Variants in AFF3 observed in about 807,000 individuals in gnomAD.
The protein encoded by AFF3 is ALF transcription elongation factor 3.
AFF3 carries 32 observed loss-of-function variants against 129.7 expected under a neutral mutation model. The observed-to-expected ratio is 0.25, with a 90% confidence interval of 0.19 to 0.33. The LOEUF (loss-of-function observed/expected upper bound fraction) is 0.33. AFF3 is among the 10% of genes least tolerant of loss of function. The probability of loss-of-function intolerance (pLI) is 1.00; values close to 1 mark genes in which losing one functional copy is unlikely to be tolerated. For synonymous variants in AFF3, 644 were observed against 635.4 expected (o/e 1.01, Z -0.20); for missense variants, 1,373 against 1,592.0 (o/e 0.86, Z 2.34).
chr2:99,694,852 G>A (rs1310494417), intron 11 of AFF3, among the ~76,000 whole-genome samples: 1 of 151,892 alleles, frequency 6.6e-6, no homozygotes, highest in Non-Finnish European at 1.5e-5. Context: ...GATTACAGGC[G>A]CGTGCCACAT....
chr2:100,030,315 T>C (rs1684388925), intron 4 of AFF3, among the ~76,000 whole-genome samples: 1 of 152,058 alleles, frequency 6.6e-6, no homozygotes, highest in Non-Finnish European at 1.5e-5. Context: ...ATTAGGGAGT[T>C]GCAAAATAAA....
At chr2:99,556,181 C>T (rs114039646) in intron 22 of AFF3, among the ~76,000 whole-genome samples, 342 of 152,316 alleles carry the variant, frequency 2.2e-3, no homozygotes, top group African/African-American at 7.8e-3. Flanking sequence ...CAGTGACTCA[C>T]GCCTGTAATC....
intron 20 of AFF3, among the ~76,000 whole-genome samples, chr2:99,561,671 C>T (rs1675487371): frequency 6.6e-6 from 1 of 152,138 alleles, no homozygotes; most frequent in African/African-American, 2.4e-5. Context: ...AGCCACTGTG[C>T]CTGGACTGCT....
chr2:99,556,401 C>CA (rs1466789009), intron 22 of AFF3, among the ~76,000 whole-genome samples: 1 of 152,022 alleles, frequency 6.6e-6, no homozygotes, highest in Non-Finnish European at 1.5e-5. Context: ...AAGATTGTGC[C>CA]ACTGCACTCC....
At chr2:99,752,957 T>C (rs1271385662) in intron 8 of AFF3, among the ~76,000 whole-genome samples, 1 of 152,004 alleles carries the variant, frequency 6.6e-6, no homozygotes, top group Admixed American at 6.6e-5. Context: ...GAGAGAGGGG[T>C]TGTTTTATTC....
chr2:99,692,996 C>A (rs780873828), intron 11 of AFF3, among the ~76,000 whole-genome samples: 12 of 152,258 alleles, frequency 7.9e-5, no homozygotes, highest in Non-Finnish European at 1.3e-4. Context: ...CAGCCTCGCC[C>A]TCTGCAGGGC....
intron 7 of AFF3, among the ~76,000 whole-genome samples, chr2:99,879,109 A>G (rs1692507727): frequency 6.6e-6 from 1 of 152,228 alleles, no homozygotes; most frequent in African/African-American, 2.4e-5. Context: ...GGAGCTGATC[A>G]CGGTGAAGGA....
At chr2:99,859,159 A>G (rs1395473134) in intron 7 of AFF3, among the ~76,000 whole-genome samples, 1 of 152,206 alleles carries the variant, frequency 6.6e-6, no homozygotes, top group Non-Finnish European at 1.5e-5. Context: ...CATCAAAGCT[A>G]ATGTTTCTCC....
chr2:99,750,766 A>G (rs1396559181), intron 9 of AFF3, among the ~76,000 whole-genome samples: 1 of 152,202 alleles, frequency 6.6e-6, no homozygotes, highest in East Asian at 1.9e-4. Flanking sequence ...TCTGATGCCC[A>G]GAACCACAAT....
rs540620606 is a variant in AFF3 at position 99,675,393 on chromosome 2, G to C, written c.1092-2804C>G. On this transcript the variant is annotated intron_variant, in intron 11 of 24. Transcript: ENST00000672756. ...ATGAAATCACAGACCTGGGAGAGAC[G>C]ACCACGGCCATACCGCATCCCAGCC... is the stretch of plus-strand genomic sequence containing the variant. Among the ~76,000 whole-genome samples, 5 of 152,246 alleles carry C rather than the reference G, an allele frequency of 3.3e-5. No homozygotes were observed. The East Asian group carries it at 9.7e-4, about 29-fold the overall frequency.
intron 4 of AFF3, among the ~76,000 whole-genome samples, chr2:100,013,107 A>G (rs922543400): frequency 6.6e-6 from 1 of 152,254 alleles, no homozygotes; most frequent in African/African-American, 2.4e-5. Flanking sequence ...AAAATAGCAA[A>G]TAAAAAATGT....
intron 11 of AFF3, among the ~76,000 whole-genome samples, chr2:99,707,866 T>C (rs927316393): frequency 6.6e-6 from 1 of 152,194 alleles, no homozygotes; most frequent in African/African-American, 2.4e-5. Context: ...CTTCTGGTAC[T>C]TTCTCCCTTT....
Position 100,006,797 on chromosome 2 carries a change from C to T in AFF3, c.708G>A (p.Arg236=). The change falls in exon 7 of 25, where the codon AGG becomes AGA. Residue 236 remains arginine, a synonymous_variant. Coordinates refer to ENST00000672756, the MANE Select transcript of AFF3 (RefSeq NM_001386135.1). ...GGGCCTGATCTTGGCCGTCCATTGG[C>T]CTCACATACGCGGTCGGTTTCTGCT... ...LVQQKPTAYV[R]PMDGQDQAPD... is the part of the protein sequence containing the mutation. The T allele has an allele frequency of 6.2e-7, 1 of 1,614,172 alleles. No individual in the cohort carries two copies. The highest frequency in any genetic ancestry group is 8.5e-7 in the Non-Finnish European group (1 of 1,180,036).
intron 11 of AFF3, among the ~76,000 whole-genome samples, chr2:99,700,223 C>A (rs576035942): frequency 1.3e-5 from 2 of 152,140 alleles, no homozygotes; most frequent in African/African-American, 2.4e-5. Context: ...CGGGTTCATG[C>A]GATTCTCCTG....
chr2:99,861,848 T>C (rs1003151240), intron 7 of AFF3, among the ~76,000 whole-genome samples: 1 of 152,178 alleles, frequency 6.6e-6, no homozygotes, highest in Admixed American at 6.5e-5. Context: ...GTCATTCTTT[T>C]GCTTTTCTTT....
chr2:99,915,766 C>T (rs1347637413), intron 7 of AFF3, among the ~76,000 whole-genome samples: 2 of 152,224 alleles, frequency 1.3e-5, no homozygotes, highest in South Asian at 2.1e-4. Flanking sequence ...GTAGTACACA[C>T]CCAGGTGTTT....
chr2:100,114,815 C>T (rs1691669049), intron 2 of AFF3, among the ~76,000 whole-genome samples: 1 of 152,208 alleles, frequency 6.6e-6, no homozygotes, highest in African/African-American at 2.4e-5. Flanking sequence ...TAACATCATG[C>T]AAGCCCCCGT....
At chr2:99,867,910 C>T (rs1184324211) in intron 7 of AFF3, among the ~76,000 whole-genome samples, 1 of 152,192 alleles carries the variant, frequency 6.6e-6, no homozygotes, top group Non-Finnish European at 1.5e-5. Flanking sequence ...TGTGAGCAGG[C>T]TAATCACGCC....
chr2:99,778,870 T>TTGTGTGTGTGTG (rs60512639), intron 8 of AFF3, among the ~76,000 whole-genome samples: 1 of 138,402 alleles, frequency 7.2e-6, no homozygotes, highest in Non-Finnish European at 1.5e-5. Context: ...ACCTATAATT[T>TTGTGTGTGTGTG]TGTGTGTGTG....
Sources: allele counts gnomAD v4.1 joint callset (sites outside exome capture counted in the v4.1 genomes callset), GRCh38; gene constraint gnomAD v4.1.1; transcripts MANE v1.5; gene names NCBI Gene and HGNC (gene_info 2026-07-23, HGNC 2026-07-21).